Variants in SLC39A8 observed in about 807,000 individuals in gnomAD.
SLC39A8 encodes the protein solute carrier family 39 member 8.
Under a neutral mutation model 40.4 loss-of-function variants are expected in SLC39A8, and 15 were observed. The observed-to-expected ratio is 0.37, with a 90% CI of 0.25 to 0.57. The LOEUF (loss-of-function observed/expected upper bound fraction) is 0.57. Among genes scored for constraint, SLC39A8 ranks in the 20% least tolerant of loss-of-function variants. The pLI is 0.75. For synonymous variants in SLC39A8, 223 were observed against 221.6 expected (o/e 1.01, Z -0.06); for missense variants, 472 against 558.8 (o/e 0.84, Z 1.57).
At chr4:102,343,690 T>C (rs895088552) in intron 2 of SLC39A8, among the ~76,000 whole-genome samples, 1 of 152,220 alleles carries the variant, frequency 6.6e-6, no homozygotes, top group Non-Finnish European at 1.5e-5. Flanking sequence ...TGATTTTATG[T>C]TTACAAAGAG....
intron 2 of SLC39A8, among the ~76,000 whole-genome samples, chr4:102,320,229 GTA>G (rs1182968784): frequency 3.1e-4 from 39 of 127,628 alleles, no homozygotes; most frequent in African/African-American, 9.9e-4. Flanking sequence ...ATATGTATGA[GTA>G]TATATATATG....
Position 102,327,313 on chromosome 4 carries a change from C to T in SLC39A8, c.220-11483G>A, listed in dbSNP as rs151133179. Among the ~76,000 whole-genome samples, 123 of 152,238 alleles carry T rather than the reference C, an allele frequency of 8.1e-4. 1 individual carries two copies. Among genetic ancestry groups the T allele is most frequent in the African/African-American group, 2.9e-3 (120 of 41,532 alleles). ...AGTCTAAAGTCCTAACACTTAAGAA[C>T]CTCACTTGCCTGTCTCTAATATTCC... is the stretch of plus-strand genomic sequence containing the variant. On this transcript the variant is annotated intron_variant, in intron 2 of 8. Transcript: ENST00000356736.
At chr4:102,303,698 A>C (rs1734012345) in intron 6 of SLC39A8, among the ~76,000 whole-genome samples, 1 of 151,724 alleles carries the variant, frequency 6.6e-6, no homozygotes, top group Non-Finnish European at 1.5e-5. Flanking sequence ...GTGCATATAT[A>C]ATTTTGTTTG....
At position 102,262,590 on chromosome 4, in the gene SLC39A8, A is replaced by G; in HGVS notation, c.*454T>C. On this transcript the variant is annotated 3_prime_UTR_variant, in exon 9 of 9. Coordinates refer to ENST00000356736, the MANE Select transcript of SLC39A8 (RefSeq NM_001135146.2). ...TAGTGTTGCATACATTTTACCTTCTACATTTTGATGTACTTGCTCTTGAAA... is the reference window on the plus strand; with the variant it reads ...TAGTGTTGCATACATTTTACCTTCTGCATTTTGATGTACTTGCTCTTGAAA... The G allele has an allele frequency of 1.0e-6, 1 of 985,400 alleles. No individual in the cohort carries two copies. The highest frequency in any genetic ancestry group is 4.7e-5 in the South Asian group (1 of 21,274). The allele number at this position is 985,400 out of a possible 1,614,324, so 61.0% of individuals were successfully genotyped here. A position where few individuals can be genotyped will look rare whatever the true frequency, so the allele number is the denominator to read the frequency against.
At chr4:102,334,693 T>C (rs1291604207) in intron 2 of SLC39A8, among the ~76,000 whole-genome samples, 1 of 152,208 alleles carries the variant, frequency 6.6e-6, no homozygotes, top group African/African-American at 2.4e-5. Context: ...GGCACTTGGC[T>C]TTTTGGAAAA....
chr4:102,285,628 G>GGT (rs59048258), intron 6 of SLC39A8, among the ~76,000 whole-genome samples: 12,041 of 149,890 alleles, frequency 0.08, 640 homozygotes, highest in South Asian at 0.14. Context: ...TATAGATGAG[G>GGT]GTGTGTGTGT....
chr4:102,260,265 C>T (rs1262982380), downstream of SLC39A8, among the ~76,000 whole-genome samples: 1 of 152,180 alleles, frequency 6.6e-6, no homozygotes, highest in Non-Finnish European at 1.5e-5. Flanking sequence ...CAGCCGATAT[C>T]CAGTCTGGGC....
chr4:102,256,134 A>C (rs998815972), intron 11 of SLC39A8, among the ~76,000 whole-genome samples: 3 of 152,228 alleles, frequency 2.0e-5, no homozygotes, highest in African/African-American at 7.2e-5. Flanking sequence ...TAACACCATT[A>C]AGGTTAGCAC....
chr4:102,267,599 G>A lies in SLC39A8; in HGVS notation c.1124C>T (p.Ser375Phe), dbSNP rs1425560709. 6.2e-6 allele frequency: 10 copies of A among 1,613,976 alleles called. No homozygotes were observed. Among genetic ancestry groups the A allele is most frequent in the Non-Finnish European group, 8.5e-6 (10 of 1,179,978 alleles). Residue 375 changes from serine to phenylalanine, a missense_variant, in exon 8 of 9, where the codon TCC becomes TTC. Ser to Phe is a radical substitution (Grantham distance 155). Coordinates refer to ENST00000356736, the MANE Select transcript of SLC39A8 (RefSeq NM_001135146.2). ...ALLFNFLSAC[S>F]CYVGLAFGIL... ...GCCAAAAGCTAGCCCAACATAGCAG[G>A]AACATGCAGAAAGGAAGTTGAATAG...
chr4:102,320,179 A>ATATATATATATGTATATATATATG (rs1206664127), intron 2 of SLC39A8, among the ~76,000 whole-genome samples: 2 of 99,800 alleles, frequency 2.0e-5, no homozygotes, highest in African/African-American at 6.4e-5. Flanking sequence ...ATATATATAT[A>ATATATATATATGTATATATATATG]TATATATATA....
At chr4:102,333,786 T>C (rs1025022067) in intron 2 of SLC39A8, among the ~76,000 whole-genome samples, 7 of 152,112 alleles carry the variant, frequency 4.6e-5, no homozygotes, top group African/African-American at 1.2e-4. Flanking sequence ...TATGAGTCCT[T>C]GAAGATATAC....
rs142863074 is a variant in SLC39A8 at position 102,263,144 on chromosome 4, G to T, written c.1283C>A (p.Thr428Asn). Residue 428 changes from threonine (T) to asparagine (N), a missense_variant, in exon 9 of 9, where the codon ACC becomes AAC. By Grantham distance (65) the Thr-to-Asn change is moderately conservative (BLOSUM62 0). Transcript: ENST00000356736. ...MLREKVTGRK[T>N]DFTFFMIQNA... ...CTGAATCATGAAGAAGGTGAAATCG[G>T]TTTTTCTTCCAGTTACCTTTTCTCT... 1.2e-6 allele frequency: 2 copies of T among 1,613,734 alleles called. No homozygotes were observed. The highest frequency in any genetic ancestry group is 2.2e-5 in the East Asian group (1 of 44,846).
At chr4:102,319,079 G>C (rs1734784929) in intron 2 of SLC39A8, among the ~76,000 whole-genome samples, 1 of 152,142 alleles carries the variant, frequency 6.6e-6, no homozygotes, top group Non-Finnish European at 1.5e-5. Flanking sequence ...TTATAGGTAG[G>C]GGCTAGGTAT....
chr4:102,260,287 A>G (rs1014889216), downstream of SLC39A8, among the ~76,000 whole-genome samples: 3 of 152,220 alleles, frequency 2.0e-5, no homozygotes, highest in African/African-American at 2.4e-5. Flanking sequence ...TCTTTTCAGT[A>G]AGAGAATTCT....
chr4:102,259,470 T>A (rs1221716098), downstream of SLC39A8: 2 of 1,547,714 alleles, frequency 1.3e-6, no homozygotes, highest in East Asian at 4.9e-5. Context: ...ATATCCAAAG[T>A]AAATGAAGTT....
At chr4:102,311,569 A>G (rs1015393219) in intron 3 of SLC39A8, among the ~76,000 whole-genome samples, 1 of 152,096 alleles carries the variant, frequency 6.6e-6, no homozygotes, top group African/African-American at 2.4e-5. Context: ...TTTATCTACT[A>G]TATGAATTAA....
chr4:102,253,255 AAAG>A (rs1298419014), exon 12 of SLC39A8: 1 of 428,420 alleles, frequency 2.3e-6, no homozygotes, highest in Non-Finnish European at 4.2e-6. Context: ...AAGTCCCTAG[AAAG>A]AAGAGGCTGT....
At chr4:102,320,394 G>A (rs1734889235) in intron 2 of SLC39A8, among the ~76,000 whole-genome samples, 2 of 82,052 alleles carry the variant, frequency 2.4e-5, no homozygotes, top group Non-Finnish European at 4.6e-5. Context: ...ATATATATGA[G>A]TATATATATA....
intron 6 of SLC39A8, among the ~76,000 whole-genome samples, chr4:102,302,348 T>C (rs912636011): frequency 1.3e-5 from 2 of 151,998 alleles, no homozygotes; most frequent in African/African-American, 4.8e-5. Context: ...TTGAATGACT[T>C]GTCAGAGTTC....
Sources: gnomAD v4.1 joint callset for allele counts (sites outside exome capture counted in the v4.1 genomes callset) on GRCh38, gnomAD v4.1.1 for gene constraint, MANE v1.5 for transcripts, NCBI Gene and HGNC (gene_info 2026-07-23, HGNC 2026-07-21) for gene names.